The following STK32B variants were observed in gnomAD, a reference collection of about 807,000 sequenced individuals.
STK32B encodes the protein serine/threonine kinase 32B.
STK32B carries 43 observed loss-of-function variants against 52.6 expected under a neutral mutation model. The observed-to-expected ratio is 0.82, with a 90% CI of 0.64 to 1.05. The LOEUF (loss-of-function observed/expected upper bound fraction) is 1.05. Among genes scored for constraint, STK32B ranks in the 50% least tolerant of loss-of-function variants. The probability of loss-of-function intolerance (pLI) is 0.00; values close to 1 mark genes in which losing one functional copy is unlikely to be tolerated. For synonymous variants in STK32B, 238 were observed against 204.3 expected, an observed-to-expected ratio of 1.17 and a Z score of -1.41; for missense variants, 621 against 534.6, an observed-to-expected ratio of 1.16 and a Z score of -1.59.
intron 3 of STK32B, among the ~76,000 whole-genome samples, chr4:5,175,577 C>T (rs761729977): frequency 1.3e-4 from 20 of 152,212 alleles, no homozygotes; most frequent in South Asian, 4.1e-4. Flanking sequence ...CTCCAGACCC[C>T]GTTTCCCTGG....
At chr4:5,299,929 A>G (rs568960528) in intron 3 of STK32B, among the ~76,000 whole-genome samples, 13 of 152,084 alleles carry the variant, frequency 8.5e-5, no homozygotes, top group Admixed American at 1.3e-4. Context: ...TTCCTGACCA[A>G]CTCATTCTAT....
chr4:5,474,071 G>A (rs746158213), intron 11 of STK32B, among the ~76,000 whole-genome samples: 21 of 151,912 alleles, frequency 1.4e-4, no homozygotes, highest in Admixed American at 8.5e-4. Flanking sequence ...CCAAGACCGC[G>A]CCACTGCACT....
At chr4:5,480,852 G>A (rs899024623) in intron 11 of STK32B, among the ~76,000 whole-genome samples, 8 of 151,898 alleles carry the variant, frequency 5.3e-5, no homozygotes, top group Admixed American at 2.0e-4. Flanking sequence ...TTGTCCTTGC[G>A]ATAGTTTGCT....
intron 3 of STK32B, among the ~76,000 whole-genome samples, chr4:5,194,378 TGAG>T (rs1456054675): frequency 6.6e-6 from 1 of 152,198 alleles, no homozygotes; most frequent in African/African-American, 2.4e-5. Context: ...GTGGAAGAAA[TGAG>T]GAGCCATCTG....
intron 1 of STK32B, among the ~76,000 whole-genome samples, chr4:5,088,352 T>A (rs886564048): frequency 2.6e-5 from 4 of 151,962 alleles, no homozygotes; most frequent in Admixed American, 2.6e-4. Context: ...AATTAATGGG[T>A]ACAAAAAATA....
rs58062606 is a variant in STK32B, at chr4:5,239,525, A to T, written c.260+71075A>T. 9.7e-3 allele frequency among the ~76,000 whole-genome samples: 1,483 copies of T among 152,134 alleles called. 29 individuals carry two copies. The highest frequency in any genetic ancestry group is 0.028 in the African/African-American group (1,149 of 41,488). On this transcript the variant is annotated intron_variant, in intron 3 of 11. Coordinates refer to ENST00000282908, the MANE Select transcript of STK32B (RefSeq NM_018401.3). ...AGGTAATGGGCTCTGGCTCTCCCTA[A>T]GCATGCGGGAGATGCTGGGTCTGGA...
chr4:5,193,352 C>T (rs186973335), intron 3 of STK32B, among the ~76,000 whole-genome samples: 33 of 152,188 alleles, frequency 2.2e-4, no homozygotes, highest in Non-Finnish European at 4.0e-4. Flanking sequence ...TGCCGTGAAC[C>T]GGTACCTCAG....
chr4:5,105,626 G>T (rs893231870), intron 1 of STK32B, among the ~76,000 whole-genome samples: 2 of 151,798 alleles, frequency 1.3e-5, no homozygotes, highest in Non-Finnish European at 2.9e-5. Context: ...TGTAGTGGCG[G>T]GATCTTGGCT....
At position 5,386,838 on chromosome 4, in the gene STK32B, G is replaced by A. The variant is rs1299873872; in HGVS notation, c.435-11369G>A. Among the ~76,000 whole-genome samples, 3 of 152,168 alleles carry A rather than the reference G, an allele frequency of 2.0e-5. No homozygotes were observed. Among genetic ancestry groups the A allele is most frequent in the Non-Finnish European group, 2.9e-5 (2 of 68,016 alleles). On this transcript the variant is annotated intron_variant, in intron 4 of 11. Transcript: ENST00000282908. The surrounding 1 kb of genome is among the most constrained non-coding windows in gnomAD (Gnocchi z 4.5). ...CAATAGAAGTCACGTGGATAGAGTC[G>A]GATTCAGCCTTGATACGAACTTGAG...
chr4:5,366,172 C>T (rs1030092808), intron 4 of STK32B, among the ~76,000 whole-genome samples: 2 of 152,168 alleles, frequency 1.3e-5, no homozygotes, highest in Admixed American at 1.3e-4. Flanking sequence ...AGAAAGTGGC[C>T]TCAATCCCCT....
intron 1 of STK32B, among the ~76,000 whole-genome samples, chr4:5,095,855 AT>A (rs1713362121): frequency 6.6e-6 from 1 of 152,196 alleles, no homozygotes; most frequent in South Asian, 2.1e-4. Flanking sequence ...TGGTTAAGTC[AT>A]TTGGGGACAT....
chr4:5,331,540 TC>T, intron 4 of STK32B, 147 bp downstream of exon 4: 1 of 832,158 alleles, frequency 1.2e-6, no homozygotes, highest in Non-Finnish European at 1.8e-6. Flanking sequence ...ACACTTTTCT[TC>T]CTATTTTTTT....
intron 3 of STK32B, among the ~76,000 whole-genome samples, chr4:5,326,575 G>T (rs1433857166): frequency 6.6e-6 from 1 of 152,046 alleles, no homozygotes; most frequent in Non-Finnish European, 1.5e-5. Flanking sequence ...GCCTTTAAAA[G>T]TTATGTTTAT....
intron 3 of STK32B, among the ~76,000 whole-genome samples, chr4:5,298,522 GGCTTTGCTGT>G (rs1378998615): frequency 4.6e-5 from 7 of 152,064 alleles, no homozygotes; most frequent in African/African-American, 1.7e-4. Flanking sequence ...TGGCTGCAGC[GGCTTTGCTGT>G]GCTGCAGTGG....
chr4:5,416,722 A>C, intron 5 of STK32B, 123 bp from the exon 6 acceptor site: 1 of 684,738 alleles, frequency 1.5e-6, no homozygotes, highest in Non-Finnish European at 2.4e-6. Flanking sequence ...ATCAGATACG[A>C]TAGTATTATA....
intron 2 of STK32B, among the ~76,000 whole-genome samples, chr4:5,151,458 G>T (rs1379981313): frequency 6.6e-6 from 1 of 152,174 alleles, no homozygotes; most frequent in East Asian, 1.9e-4. Flanking sequence ...ACATTTCATT[G>T]TTAAACTATG....
intron 3 of STK32B, among the ~76,000 whole-genome samples, chr4:5,224,842 T>C (rs975673736): frequency 2.6e-5 from 4 of 152,200 alleles, no homozygotes; most frequent in South Asian, 2.1e-4. Flanking sequence ...ATAATACTTA[T>C]AGAGTTGTGA....
chr4:5,141,680 G>A (rs1716465571), intron 2 of STK32B, among the ~76,000 whole-genome samples: 2 of 152,136 alleles, frequency 1.3e-5, no homozygotes, highest in African/African-American at 2.4e-5. Context: ...GCAGTGCTGG[G>A]GGTGGTGAGA....
intron 4 of STK32B, among the ~76,000 whole-genome samples, chr4:5,333,992 GT>G (rs564584950): frequency 7.2e-5 from 11 of 152,126 alleles, no homozygotes; most frequent in Non-Finnish European, 1.3e-4. Flanking sequence ...CTTTAAAGTA[GT>G]TTTTTTCCAA....
Sources: allele counts gnomAD v4.1 joint callset (sites outside exome capture counted in the v4.1 genomes callset), GRCh38; gene constraint gnomAD v4.1.1; non-coding constraint Gnocchi (gnomAD v3.1); transcripts MANE v1.5; gene names NCBI Gene and HGNC (gene_info 2026-07-23, HGNC 2026-07-21).